Variants in RFX8 observed in about 807,000 individuals in gnomAD.
The protein encoded by RFX8 is regulatory factor X8, also known as DNA-binding protein RFX8.
A neutral mutation model predicts 54.6 loss-of-function variants in RFX8; 46 were observed. The ratio of observed to expected loss-of-function variants is 0.84; its 90% CI spans 0.67 to 1.08. The LOEUF is 1.08. Among genes scored for constraint, RFX8 ranks in the 50% least tolerant of loss-of-function variants. The pLI is 0.00. For missense variants in RFX8, 536 were observed against 562.3 expected, an observed-to-expected ratio of 0.95 and a Z score of 0.47; for synonymous variants, 192 against 209.5, an observed-to-expected ratio of 0.92 and a Z score of 0.72.
chr2:101,467,400 C>A (rs1215284813), intron 1 of RFX8, among the ~76,000 whole-genome samples: 1 of 152,188 alleles, frequency 6.6e-6, no homozygotes, highest in African/African-American at 2.4e-5. Flanking sequence ...ATCCCTGTTC[C>A]TCTGAAGCAG....
intron 9 of RFX8, among the ~76,000 whole-genome samples, chr2:101,407,502 G>A (rs1225281566): frequency 1.3e-5 from 2 of 152,170 alleles, no homozygotes; most frequent in Admixed American, 1.3e-4. Flanking sequence ...GACCAGCCTG[G>A]CCAACATGGC....
intron 1 of RFX8, among the ~76,000 whole-genome samples, chr2:101,468,936 G>A (rs1363982583): frequency 6.8e-6 from 1 of 146,164 alleles, no homozygotes; most frequent in Non-Finnish European, 1.5e-5. Context: ...GCATGGGGGA[G>A]TGGCAGATTC....
chr2:101,424,368 A>G (rs1338529279), intron 2 of RFX8, among the ~76,000 whole-genome samples: 3 of 152,224 alleles, frequency 2.0e-5, no homozygotes, highest in Non-Finnish European at 4.4e-5. Flanking sequence ...TCAGGAAACA[A>G]CAGGTGCTGG....
In RFX8 at chr2:101,406,604, G is replaced by A. The variant is rs145182750; in HGVS notation, c.814-547C>T. Among the ~76,000 whole-genome samples, 1,135 of 152,180 alleles carry A rather than the reference G, an allele frequency of 7.5e-3. 22 individuals are homozygous for A. The highest frequency in any genetic ancestry group is 0.026 in the African/African-American group (1,066 of 41,490). On this transcript the variant is annotated intron_variant, in intron 9 of 11. Transcript: ENST00000428343. Reference sequence around the variant, plus strand: ...GATCCTCCTGTCTCGGCCTCCCAAAGGCACTGGGATTAGAGGCATAAGCCA... The same window carrying A: ...GATCCTCCTGTCTCGGCCTCCCAAAAGCACTGGGATTAGAGGCATAAGCCA...
chr2:101,431,420 C>A (rs753659885), intron 2 of RFX8, among the ~76,000 whole-genome samples: 21 of 151,906 alleles, frequency 1.4e-4, no homozygotes, highest in Non-Finnish European at 2.5e-4. Context: ...ACATCTCTGT[C>A]AATTGGCAGC....
intron 11 of RFX8, among the ~76,000 whole-genome samples, chr2:101,401,372 T>C (rs891504224): frequency 6.6e-6 from 1 of 152,138 alleles, no homozygotes; most frequent in Non-Finnish European, 1.5e-5. Flanking sequence ...AATGAGAGTC[T>C]GCTCAAGAAG....
At chr2:101,425,494 G>A (rs1687119048) in intron 2 of RFX8, among the ~76,000 whole-genome samples, 1 of 152,118 alleles carries the variant, frequency 6.6e-6, no homozygotes, top group Non-Finnish European at 1.5e-5. Context: ...TTTCACCATG[G>A]CACATACAAC....
At chr2:101,437,264 C>A in intron 2 of RFX8, among the ~76,000 whole-genome samples, 2 of 151,430 alleles carry the variant, frequency 1.3e-5, no homozygotes, top group South Asian at 2.1e-4. Context: ...CAATAAGACC[C>A]GTCTCTTACA....
At chr2:101,403,881 G>A (rs2104519520) in intron 10 of RFX8, among the ~76,000 whole-genome samples, 1 of 152,308 alleles carries the variant, frequency 6.6e-6, no homozygotes, top group South Asian at 2.1e-4. Context: ...GTAAGATGTT[G>A]CCACTGGTTC....
At chr2:101,399,333 G>A (rs1308692705) in intron 11 of RFX8, among the ~76,000 whole-genome samples, 1 of 152,200 alleles carries the variant, frequency 6.6e-6, no homozygotes, top group Non-Finnish European at 1.5e-5. Flanking sequence ...TCAGATGAGC[G>A]TAACTTTTTG....
intron 1 of RFX8, among the ~76,000 whole-genome samples, chr2:101,473,905 C>T (rs1690146647): frequency 6.6e-6 from 1 of 152,244 alleles, no homozygotes; most frequent in Non-Finnish European, 1.5e-5. Flanking sequence ...CAGGGTCCAA[C>T]CAACGGGTCC....
chr2:101,467,613 C>A (rs906836898), intron 1 of RFX8, among the ~76,000 whole-genome samples: 1 of 152,218 alleles, frequency 6.6e-6, no homozygotes, highest in African/African-American at 2.4e-5. Flanking sequence ...ACCTGCAGTG[C>A]CTGTGACCTC....
rs1686259293 is a variant in RFX8, at chr2:101,413,221, T to A, written c.562-150A>T. On this transcript the variant is annotated intron_variant, in intron 7 of 11. Coordinates refer to ENST00000428343, the MANE Select transcript of RFX8 (RefSeq NM_001145664.2). ...ATTAAAAATGAATCTTAAACAAGAATGAAAAGGTTAAAATTGCACACATTC... is the reference window on the plus strand; with the variant it reads ...ATTAAAAATGAATCTTAAACAAGAAAGAAAAGGTTAAAATTGCACACATTC... 6.3e-5 allele frequency: 43 copies of A among 682,436 alleles called. 1 individual carries two copies. In the South Asian group the frequency reaches 7.5e-4, roughly 12 times the overall value. 42.3% of individuals were successfully genotyped at this position (682,436 alleles called of 1,614,324 possible).
At position 101,410,676 on chromosome 2, in the gene RFX8, T is replaced by C; in HGVS notation, c.756A>G (p.Thr252=). 6.5e-7 allele frequency: 1 copy of C among 1,546,480 alleles called. No individual in the cohort carries two copies. Among genetic ancestry groups the C allele is most frequent in the Non-Finnish European group, 8.8e-7 (1 of 1,142,136 alleles). ...RNLISLLGTS[T]DLRVFLSCLS... ...GACAGCTGAGGAATACCCTGAGATCTGTTGATGTTCCCAGCAAAGAAATTA... is the reference window on the plus strand; with the variant it reads ...GACAGCTGAGGAATACCCTGAGATCCGTTGATGTTCCCAGCAAAGAAATTA... Residue 252 remains threonine, a synonymous_variant, in exon 9 of 12, where the codon ACA becomes ACG. Transcript: ENST00000428343.
intron 2 of RFX8, among the ~76,000 whole-genome samples, chr2:101,425,019 A>C (rs78528652): frequency 0.19 from 26,497 of 140,884 alleles, 2,676 homozygotes; most frequent in African/African-American, 0.29. Context: ...GTATAATTTA[A>C]AAAATAATAA....
intron 2 of RFX8, among the ~76,000 whole-genome samples, chr2:101,442,520 T>C (rs931045223): frequency 6.6e-6 from 1 of 152,138 alleles, no homozygotes; most frequent in Non-Finnish European, 1.5e-5. Flanking sequence ...AAATTGTGGT[T>C]GACAGTTCTT....
chr2:101,454,069 C>A (rs973245591), intron 2 of RFX8, among the ~76,000 whole-genome samples: 7 of 151,262 alleles, frequency 4.6e-5, no homozygotes, highest in Non-Finnish European at 1.0e-4. Context: ...CCCGACAGGC[C>A]CCGGTGTGTG....
intron 2 of RFX8, among the ~76,000 whole-genome samples, chr2:101,450,012 T>A (rs760227664): frequency 1.3e-5 from 2 of 152,044 alleles, no homozygotes; most frequent in African/African-American, 2.4e-5. Context: ...CTTTGGCAAC[T>A]GGATGACACT....
intron 2 of RFX8, among the ~76,000 whole-genome samples, chr2:101,445,898 C>T (rs1454506788): frequency 1.3e-5 from 2 of 152,100 alleles, no homozygotes; most frequent in Non-Finnish European, 2.9e-5. Context: ...GTTTTCATTA[C>T]CTGAAAACCA....
Sources: allele counts gnomAD v4.1 joint callset (sites outside exome capture counted in the v4.1 genomes callset), GRCh38; gene constraint gnomAD v4.1.1; transcripts MANE v1.5; gene names NCBI Gene and HGNC (gene_info 2026-07-23, HGNC 2026-07-21).